Variants in FARP1 observed in about 807,000 individuals in gnomAD.
The protein encoded by FARP1 is FERM, ARHGEF and pleckstrin domain-containing protein 1.
In FARP1, 52 loss-of-function variants were observed where a neutral mutation model predicts 128.8. The ratio of observed to expected loss-of-function variants is 0.40; its 90% confidence interval spans 0.32 to 0.51. The LOEUF is 0.51. FARP1 is among the 20% of genes least tolerant of loss of function. The pLI, the probability that FARP1 is intolerant of heterozygous loss-of-function variation, is 0.45. For synonymous variants in FARP1, 580 were observed against 551.8 expected, an observed-to-expected ratio of 1.05 and a Z score of -0.72; for missense variants, 1,333 against 1,367.9, an observed-to-expected ratio of 0.97 and a Z score of 0.40.
chr13:98,370,767 A>G (rs1201104167), intron 5 of FARP1, among the ~76,000 whole-genome samples: 1 of 152,204 alleles, frequency 6.6e-6, no homozygotes, highest in Non-Finnish European at 1.5e-5. Context: ...AGACAGTGAC[A>G]AAGACTTCCC....
intron 2 of FARP1, among the ~76,000 whole-genome samples, chr13:98,219,154 T>G (rs1881270546): frequency 6.6e-6 from 1 of 152,208 alleles, no homozygotes; most frequent in Non-Finnish European, 1.5e-5. Flanking sequence ...TGTCCACTGG[T>G]GACAGATTCT....
rs571306205 is a variant in FARP1 at position 98,221,502 on chromosome 13, C to A, written c.171+8089C>A. On this transcript the variant is annotated intron_variant, in intron 2 of 26. Coordinates refer to ENST00000319562, the MANE Select transcript of FARP1 (RefSeq NM_005766.4). ...GGCCTTTTGGAAGGTCTATAAGAAC[C>A]AAGCACCACTTGGACAATTGCCGTG... Among the ~76,000 whole-genome samples, 273 of 152,288 alleles carry A rather than the reference C, an allele frequency of 1.8e-3. 4 individuals are homozygous for A. The highest frequency in any genetic ancestry group is 6.4e-3 in the African/African-American group (267 of 41,568).
chr13:98,363,659 A>C (rs1888966685), intron 3 of FARP1, among the ~76,000 whole-genome samples: 1 of 152,206 alleles, frequency 6.6e-6, no homozygotes, highest in Admixed American at 6.5e-5. Context: ...GGCCAGTCCT[A>C]AACTGTGTAC....
intron 2 of FARP1, among the ~76,000 whole-genome samples, chr13:98,227,178 A>G (rs531391452): frequency 1.3e-5 from 2 of 152,184 alleles, no homozygotes; most frequent in Non-Finnish European, 2.9e-5. Context: ...TCCTGACCTC[A>G]TGATCCGCCC....
intron 2 of FARP1, among the ~76,000 whole-genome samples, chr13:98,229,768 G>A (rs1882009764): frequency 6.6e-6 from 1 of 150,498 alleles, no homozygotes; most frequent in African/African-American, 2.5e-5. Context: ...GTGGATAAGG[G>A]TTACACAGCA....
Position 98,449,342 on chromosome 13 carries a change from C to T in FARP1, c.*1025C>T, listed in dbSNP as rs1239439712. The T allele has an allele frequency of 6.6e-6, 1 of 152,182 alleles. No homozygotes were observed. Among genetic ancestry groups the T allele is most frequent in the Non-Finnish European group, 1.5e-5 (1 of 68,046 alleles). 9.4% of individuals were successfully genotyped at this position (152,182 alleles called of 1,614,324 possible). A position where few individuals can be genotyped will look rare whatever the true frequency, so the allele number is the denominator to read the frequency against. ...TCAAAAACATTTCCCTTTTTATACTCATTCCCCCCAGGCATGGGGTAGTGT... is the reference window on the plus strand; with the variant it reads ...TCAAAAACATTTCCCTTTTTATACTTATTCCCCCCAGGCATGGGGTAGTGT... On this transcript the variant is annotated 3_prime_UTR_variant, in exon 27 of 27. Transcript: ENST00000319562.
chr13:98,454,186 A>T lies in FARP1; in HGVS notation c.*5869A>T, dbSNP rs1893340959. ...CAGTAAGTTTATGACCTGGTATGAC[A>T]ACAGAAGGCAATGCACCCAAAGATG... On this transcript the variant is annotated 3_prime_UTR_variant, in exon 27 of 27. Coordinates refer to ENST00000319562, the MANE Select transcript of FARP1 (RefSeq NM_005766.4). 1 of 152,246 alleles carries T rather than the reference A, an allele frequency of 6.6e-6. No individual in the cohort carries two copies. The allele number at this position is 152,246 out of a possible 1,614,324, so 9.4% of individuals were successfully genotyped here.
At chr13:98,282,381 G>C (rs1884977242) in intron 2 of FARP1, among the ~76,000 whole-genome samples, 3 of 152,156 alleles carry the variant, frequency 2.0e-5, no homozygotes, top group Admixed American at 1.3e-4. Flanking sequence ...ATAGAAGGTT[G>C]GAAAGAGATA....
intron 24 of FARP1, among the ~76,000 whole-genome samples, chr13:98,443,812 A>C (rs1892632940): frequency 6.8e-6 from 1 of 147,306 alleles, no homozygotes; most frequent in Non-Finnish European, 1.5e-5. Context: ...ACAGCAGGGA[A>C]GTTGTTCAGC....
At chr13:98,286,981 T>C (rs1305181301) in intron 2 of FARP1, among the ~76,000 whole-genome samples, 3 of 152,166 alleles carry the variant, frequency 2.0e-5, no homozygotes, top group Non-Finnish European at 2.9e-5. Flanking sequence ...ATACTGTTTA[T>C]GTAGCATCGT....
chr13:98,145,172 G>A (rs1162949018), intron 1 of FARP1, among the ~76,000 whole-genome samples: 1 of 152,176 alleles, frequency 6.6e-6, no homozygotes, highest in Non-Finnish European at 1.5e-5. Flanking sequence ...GCGCCTCCCA[G>A]AATCTCTTAC....
At chr13:98,182,532 GC>G (rs1434522639) in intron 1 of FARP1, among the ~76,000 whole-genome samples, 22 of 152,186 alleles carry the variant, frequency 1.4e-4, no homozygotes, top group Non-Finnish European at 3.2e-4. Flanking sequence ...TCGCCATATT[GC>G]CCAGGCTGGT....
chr13:98,299,594 C>T (rs1388113324), intron 2 of FARP1, among the ~76,000 whole-genome samples: 1 of 152,208 alleles, frequency 6.6e-6, no homozygotes, highest in African/African-American at 2.4e-5. Flanking sequence ...AGTAAAGATA[C>T]AGTCTGGGCC....
intron 1 of FARP1, among the ~76,000 whole-genome samples, chr13:98,202,874 CATGCCTGGGTAGTTTTTAAATTTTT>C (rs1880037041): frequency 6.6e-6 from 1 of 152,034 alleles, no homozygotes; most frequent in African/African-American, 2.4e-5. Flanking sequence ...TGCTTACCAC[CATGCCTGGGTAGTTTTTAAATTTTT>C]TGTGGAGACG....
chr13:98,395,621 A>C, intron 13 of FARP1, 145 bp downstream of exon 13: 2 of 1,002,636 alleles, frequency 2.0e-6, no homozygotes, highest in Non-Finnish European at 2.9e-6. Context: ...ACAAATGACA[A>C]TTATGAGGGT....
chr13:98,278,423 T>G (rs1198144696), intron 2 of FARP1, among the ~76,000 whole-genome samples: 1 of 151,986 alleles, frequency 6.6e-6, no homozygotes, highest in Non-Finnish European at 1.5e-5. Context: ...GTGTGAGCAT[T>G]GTGTATATGT....
Position 98,386,085 on chromosome 13 carries a change from A to G in FARP1, c.759+271A>G, listed in dbSNP as rs1436045678. 3.0e-5 allele frequency: 12 copies of G among 394,036 alleles called. No homozygotes were observed. The South Asian group carries it at 3.6e-4, about 12-fold the overall frequency. 24.4% of individuals were successfully genotyped at this position (394,036 alleles called of 1,614,324 possible). On this transcript the variant is annotated intron_variant, in intron 8 of 26. Coordinates refer to ENST00000319562, the MANE Select transcript of FARP1 (RefSeq NM_005766.4). ...GCATCACAGAAACATGTAGCTCTCC[A>G]TGGACCTACACTTAGAACACAGTCT...
intron 2 of FARP1, among the ~76,000 whole-genome samples, chr13:98,259,250 T>A (rs764002168): frequency 3.2e-4 from 49 of 152,152 alleles, no homozygotes; most frequent in Admixed American, 7.9e-4. Context: ...ATATTCTCTC[T>A]CTATGTGTAT....
At chr13:98,191,064 C>A (rs193262364) in intron 1 of FARP1, among the ~76,000 whole-genome samples, 6 of 152,176 alleles carry the variant, frequency 3.9e-5, no homozygotes, top group Non-Finnish European at 8.8e-5. Flanking sequence ...CGCAACGTGG[C>A]CAGGACCTTT....
Sources: allele counts gnomAD v4.1 joint callset (sites outside exome capture counted in the v4.1 genomes callset), GRCh38; gene constraint gnomAD v4.1.1; transcripts MANE v1.5; gene names NCBI Gene and HGNC (gene_info 2026-07-23, HGNC 2026-07-21).